Variants in FBXW8 observed in about 807,000 individuals in gnomAD.
FBXW8 encodes F-box and WD repeat domain containing 8, also known as F-box/WD repeat-containing protein 8.
A neutral mutation model predicts 65.3 loss-of-function variants in FBXW8; 57 were observed. The observed-to-expected ratio is 0.87, with a 90% CI of 0.71 to 1.09. The LOEUF (loss-of-function observed/expected upper bound fraction) is 1.09. Ranked by LOEUF, FBXW8 falls within the 50% of genes least tolerant of loss-of-function variation. The pLI, the probability that FBXW8 is intolerant of heterozygous loss-of-function variation, is 0.00. For synonymous variants in FBXW8, 308 were observed against 330.2 expected, an observed-to-expected ratio of 0.93 and a Z score of 0.73; for missense variants, 777 against 814.8, an observed-to-expected ratio of 0.95 and a Z score of 0.57.
chr12:116,959,532 AT>A (rs929780598), intron 4 of FBXW8, among the ~76,000 whole-genome samples: 1 of 152,198 alleles, frequency 6.6e-6, no homozygotes, highest in Admixed American at 6.5e-5. Context: ...GCCTTAAAAA[AT>A]TTTGTTTTTA....
chr12:116,922,189 T>A (rs191240207), intron 1 of FBXW8, among the ~76,000 whole-genome samples: 4 of 152,260 alleles, frequency 2.6e-5, no homozygotes, highest in Admixed American at 1.3e-4. Context: ...AAATTGTGGA[T>A]TATAAATGGA....
At chr12:116,955,510 GTTT>G (rs1471890874) in intron 4 of FBXW8, among the ~76,000 whole-genome samples, 2 of 152,188 alleles carry the variant, frequency 1.3e-5, no homozygotes, top group Non-Finnish European at 2.9e-5. Context: ...TGCTAGCGAG[GTTT>G]AGTGTGTGTT....
Position 117,028,120 on chromosome 12 carries a change from T to A in FBXW8, c.1745T>A (p.Met582Lys), listed in dbSNP as rs1177311757. 2 of 1,614,196 alleles carry A rather than the reference T, an allele frequency of 1.2e-6. No individual in the cohort carries two copies. The highest frequency in any genetic ancestry group is 1.7e-6 in the Non-Finnish European group (2 of 1,180,028). Reference sequence around the variant, plus strand: ...GTCTGCCGTTCATCCTGTGACGCCATGGCCACTCACTACTACGACCTCGCA... The same window carrying A: ...GTCTGCCGTTCATCCTGTGACGCCAAGGCCACTCACTACTACGACCTCGCA... ...LPVCRSSCDA[M>K]ATHYYDLALA... is the part of the protein sequence containing the mutation. The change falls in exon 11 of 11, where the codon ATG becomes AAG. Residue 582 changes from methionine to lysine, a missense_variant. Coordinates refer to ENST00000652555, the MANE Select transcript of FBXW8 (RefSeq NM_153348.3). This position sits in a 1 kb window ranked among gnomAD's most constrained non-coding sequence, Gnocchi z 4.1.
chr12:116,953,153 A>T (rs552186733), intron 4 of FBXW8, among the ~76,000 whole-genome samples: 2 of 152,212 alleles, frequency 1.3e-5, no homozygotes, highest in Non-Finnish European at 2.9e-5. Flanking sequence ...CCTGCCACCT[A>T]TATATGATGT....
Position 117,011,514 on chromosome 12 carries a change from G to C in FBXW8, c.1367+1064G>C, listed in dbSNP as rs186907025. Among the ~76,000 whole-genome samples the C allele has an allele frequency of 3.7e-3, 569 of 152,318 alleles. 1 individual carries two copies. The highest frequency in any genetic ancestry group is 6.5e-3 in the Non-Finnish European group (441 of 68,024). ...TTGAGAACTGAACTCCTCAGTGTGTGTGTGGGGCACGCACTGGGCTAGTTC... is the reference window on the plus strand; with the variant it reads ...TTGAGAACTGAACTCCTCAGTGTGTCTGTGGGGCACGCACTGGGCTAGTTC... On this transcript the variant is annotated intron_variant, in intron 8 of 10. Coordinates refer to ENST00000652555, the MANE Select transcript of FBXW8 (RefSeq NM_153348.3).
intron 7 of FBXW8, among the ~76,000 whole-genome samples, chr12:116,994,348 C>T (rs1465366442): frequency 6.6e-6 from 1 of 152,086 alleles, no homozygotes; most frequent in South Asian, 2.1e-4. Flanking sequence ...ATACATAGAC[C>T]AATGGAACAG....
At chr12:117,014,604 G>T (rs1157193236) in intron 8 of FBXW8, among the ~76,000 whole-genome samples, 2 of 152,162 alleles carry the variant, frequency 1.3e-5, no homozygotes, top group East Asian at 3.8e-4. Context: ...TTTTGCTTTT[G>T]AACAGGCAGT....
intron 4 of FBXW8, among the ~76,000 whole-genome samples, chr12:116,954,503 T>G (rs1181129210): frequency 2.0e-5 from 3 of 152,222 alleles, no homozygotes; most frequent in African/African-American, 7.2e-5. Context: ...ATTTTATGTA[T>G]AGATGTCTGC....
chr12:117,007,539 T>C (rs1296438729), intron 7 of FBXW8, among the ~76,000 whole-genome samples: 1 of 152,210 alleles, frequency 6.6e-6, no homozygotes, highest in East Asian at 1.9e-4. Context: ...ACCTGGTACT[T>C]AAAAGGAACC....
chr12:117,011,127 CTTTT>C (rs397946872), intron 8 of FBXW8, among the ~76,000 whole-genome samples: 3 of 122,172 alleles, frequency 2.5e-5, no homozygotes, highest in Admixed American at 8.1e-5. Flanking sequence ...TTTTCTTTTC[CTTTT>C]TTTTTTTTTT....
chr12:116,956,589 C>G (rs1883663351), intron 4 of FBXW8, among the ~76,000 whole-genome samples: 1 of 152,198 alleles, frequency 6.6e-6, no homozygotes, highest in East Asian at 1.9e-4. Context: ...AAATTGGTGT[C>G]TGAATCTTTG....
chr12:117,015,033 A>G (rs552965388), intron 8 of FBXW8, among the ~76,000 whole-genome samples: 9 of 152,280 alleles, frequency 5.9e-5, no homozygotes, highest in South Asian at 4.2e-4. Flanking sequence ...CACAGCCACA[A>G]GAAAGAGAAA....
chr12:116,942,881 G>T lies in FBXW8; in HGVS notation c.424-2483G>T, dbSNP rs1265612613. 2.1e-5 allele frequency among the ~76,000 whole-genome samples: 3 copies of T among 140,384 alleles called. No individual in the cohort carries two copies. In the Admixed American group the frequency reaches 2.3e-4, roughly 11 times the overall value. The allele number at this position is 140,384 out of a possible 152,430, so 92.1% of individuals were successfully genotyped here. A position where few individuals can be genotyped will look rare whatever the true frequency, so the allele number is the denominator to read the frequency against. ...CAACCTCTGCCTCCCGGGTTCAAAT[G>T]ATTTTCCTGCATCAGCCTCCTGAGT... On this transcript the variant is annotated intron_variant, in intron 2 of 10. Transcript: ENST00000652555.
At chr12:116,990,263 A>T (rs964692883) in intron 7 of FBXW8, among the ~76,000 whole-genome samples, 1 of 152,190 alleles carries the variant, frequency 6.6e-6, no homozygotes, top group Non-Finnish European at 1.5e-5. Context: ...TTGTGCTGCA[A>T]ACTTTATCAT....
chr12:116,990,724 A>T (rs1953218870), intron 7 of FBXW8, among the ~76,000 whole-genome samples: 1 of 152,224 alleles, frequency 6.6e-6, no homozygotes, highest in Non-Finnish European at 1.5e-5. Flanking sequence ...CAGCACAAGG[A>T]TCCTTCAGAT....
chr12:116,959,163 G>A (rs1327243254), intron 4 of FBXW8, among the ~76,000 whole-genome samples: 2 of 152,212 alleles, frequency 1.3e-5, no homozygotes. Flanking sequence ...TCCCAGTCCT[G>A]CTCCCAGCAT....
At chr12:116,993,807 A>T (rs1953310259) in intron 7 of FBXW8, among the ~76,000 whole-genome samples, 1 of 152,154 alleles carries the variant, frequency 6.6e-6, no homozygotes, top group Non-Finnish European at 1.5e-5. Flanking sequence ...GACGTAAATT[A>T]TTTGCCTAGG....
intron 7 of FBXW8, among the ~76,000 whole-genome samples, chr12:116,995,496 G>A (rs997697616): frequency 2.6e-5 from 4 of 151,966 alleles, no homozygotes; most frequent in African/African-American, 9.7e-5. Context: ...TCTAAGTGTC[G>A]CCCAAGAGTT....
In FBXW8 at chr12:117,028,032, CG is replaced by C. The variant is rs1954275472; in HGVS notation, c.1662del (p.Leu555Ter). The part of the protein sequence containing the change: ...LDSFTTHRRH[R>X]GLIRAYEFAV... ...CCATCTTTGTGCTCTTTCTAGACACCGGGGGCTGATCCGCGCCTATGAGTTT... is the reference window on the plus strand; with the variant it reads ...CCATCTTTGTGCTCTTTCTAGACACCGGGGCTGATCCGCGCCTATGAGTTT... On this transcript the variant is annotated frameshift_variant, in exon 11 of 11. Transcript: ENST00000652555. LOFTEE classifies it low-confidence loss of function (END_TRUNC). This position sits in a 1 kb window ranked among gnomAD's most constrained non-coding sequence, Gnocchi z 4.1. 2 of 1,613,780 alleles carry C rather than the reference CG, an allele frequency of 1.2e-6. No individual in the cohort carries two copies. The highest frequency in any genetic ancestry group is 8.5e-7 in the Non-Finnish European group (1 of 1,180,014).
Sources: gnomAD v4.1 joint callset for allele counts (sites outside exome capture counted in the v4.1 genomes callset) on GRCh38, gnomAD v4.1.1 for gene constraint, Gnocchi (gnomAD v3.1) non-coding constraint, MANE v1.5 for transcripts, NCBI Gene and HGNC (gene_info 2026-07-23, HGNC 2026-07-21) for gene names.